The following HOXD11 variants were observed in gnomAD, a reference collection of about 807,000 sequenced individuals.
The protein encoded by HOXD11 is homeobox protein Hox-D11.
HOXD11 carries 16 observed loss-of-function variants against 23.1 expected under a neutral mutation model. The observed-to-expected ratio is 0.69, with a 90% CI of 0.47 to 1.05. The LOEUF is 1.05. Ranked by LOEUF, HOXD11 falls within the 50% of genes least tolerant of loss-of-function variation. The probability of loss-of-function intolerance (pLI) is 0.00; values close to 1 mark genes in which losing one functional copy is unlikely to be tolerated. For synonymous variants in HOXD11, 262 were observed against 224.4 expected (o/e 1.17, Z -1.50); for missense variants, 564 against 495.6 (o/e 1.14, Z -1.31).
intron 1 of HOXD11, among the ~76,000 whole-genome samples, chr2:176,108,546 G>T (rs900907862): frequency 6.6e-6 from 1 of 151,944 alleles, no homozygotes; most frequent in Non-Finnish European, 1.5e-5. Flanking sequence ...GCTAGCTGAC[G>T]CGCGCCGCTG....
At chr2:176,111,826 C>CAAAAAAAAAAAAAAAAAAAAAAAAAAAAA (rs1176283938), downstream of HOXD11, among the ~76,000 whole-genome samples, 3 of 22,740 alleles carry the variant, frequency 1.3e-4, 1 homozygote, top group Non-Finnish European at 1.5e-4. Flanking sequence ...CTCCCCCCCG[C>CAAAAAAAAAAAAAAAAAAAAAAAAAAAAA]AAAAAAAAAA....
the HOXD11 span, among the ~76,000 whole-genome samples, chr2:176,115,091 G>C: frequency 6.6e-6 from 1 of 152,268 alleles, no homozygotes; most frequent in Non-Finnish European, 1.5e-5. Flanking sequence ...GAGAGGGAGG[G>C]AGGAAGTTGT....
At chr2:176,111,840 A>AAAAAAAAAAAAAC (rs1553518459), downstream of HOXD11, among the ~76,000 whole-genome samples, 11 of 140,724 alleles carry the variant, frequency 7.8e-5, no homozygotes, top group Non-Finnish European at 1.7e-4. Flanking sequence ...AAAAAAAAAA[A>AAAAAAAAAAAAAC]AAAAAAAAAC....
chr2:176,111,075 T>C (rs1689666096), downstream of HOXD11, among the ~76,000 whole-genome samples: 1 of 152,198 alleles, frequency 6.6e-6, no homozygotes, highest in Non-Finnish European at 1.5e-5. Flanking sequence ...TGAAATAAAT[T>C]ATTGCACTTT....
At chr2:176,115,131 A>ATGGTGGTAGTGGTGGTAGTGGTGGTAG in the HOXD11 span, among the ~76,000 whole-genome samples, 2 of 151,918 alleles carry the variant, frequency 1.3e-5, no homozygotes, top group Admixed American at 6.5e-5. Flanking sequence ...CTGAGTTTCC[A>ATGGTGGTAGTGGTGGTAGTGGTGGTAG]TGGTGGTAGT....
chr2:176,113,230 G>T (rs1372916858), downstream of HOXD11, among the ~76,000 whole-genome samples: 1 of 152,144 alleles, frequency 6.6e-6, no homozygotes, highest in Non-Finnish European at 1.5e-5. Flanking sequence ...CCCAGAGGTG[G>T]CTCAGAACCC....
downstream of HOXD11, among the ~76,000 whole-genome samples, chr2:176,112,300 C>T (rs1432958320): frequency 6.6e-6 from 1 of 152,230 alleles, no homozygotes; most frequent in African/African-American, 2.4e-5. Context: ...AGCCCCTGAC[C>T]TTGGGGAGGG....
rs762528392 is a variant in HOXD11 at position 176,107,581 on chromosome 2, CGCGGCGGCG to C, written c.238_246del (p.Gly80_Gly82del). On this transcript the variant is annotated inframe_deletion, in exon 1 of 2. Transcript: ENST00000249504. ...CCTGGAGCGCGCCAAGTGGCCGTAC[CGCGGCGGCG>C]GCGGCGGCGGCAGCGCGGGGGGCGG... 55 of 1,401,008 alleles carry C rather than the reference CGCGGCGGCG, an allele frequency of 3.9e-5. No individual in the cohort carries two copies. The highest frequency in any genetic ancestry group is 4.8e-5 in the Non-Finnish European group (51 of 1,053,600). 86.8% of individuals were successfully genotyped at this position (1,401,008 alleles called of 1,614,324 possible).
At chr2:176,113,350 A>G (rs1281442828), downstream of HOXD11, among the ~76,000 whole-genome samples, 1 of 152,192 alleles carries the variant, frequency 6.6e-6, no homozygotes, top group Non-Finnish European at 1.5e-5. Flanking sequence ...TACAAATGCT[A>G]ATTTCTTGTT....
chr2:176,108,097 C>A lies in HOXD11; in HGVS notation c.742C>A (p.Pro248Thr). Residue 248 changes from proline (P) to threonine (T), a missense_variant, in exon 1 of 2, where the codon CCC (proline) becomes ACC (threonine). Pro to Thr is a conservative substitution (Grantham distance 38). Coordinates refer to ENST00000249504, the MANE Select transcript of HOXD11 (RefSeq NM_021192.3). ...AEGSGGDGEGPPGEAGAEKSS... is the reference protein window; with the variant it reads ...AEGSGGDGEGTPGEAGAEKSS... ...AGGCAGCGGTGGCGACGGCGAGGGC[C>A]CCCCGGGAGAGGCGGGGGCCGAGAA... 2.7e-6 allele frequency: 4 copies of A among 1,464,062 alleles called. No individual in the cohort carries two copies. Among genetic ancestry groups the A allele is most frequent in the South Asian group, 1.3e-5 (1 of 76,510 alleles). 90.7% of individuals were successfully genotyped at this position (1,464,062 alleles called of 1,614,324 possible).
rs1199556868 is a variant in HOXD11 at position 176,107,967 on chromosome 2, C to G, written c.612C>G (p.Pro204=). ...QPPPPPAPPQ[P]EGAADKGDPR... is the part of the protein sequence containing the mutation. ...CGCCGCCACCCGCGCCGCCACAGCC[C>G]GAGGGCGCAGCCGACAAGGGCGACC... The change falls in exon 1 of 2, where the codon CCC becomes CCG. Residue 204 remains proline (P), a synonymous_variant. Coordinates refer to ENST00000249504, the MANE Select transcript of HOXD11 (RefSeq NM_021192.3). The G allele has an allele frequency of 2.1e-6, 3 of 1,425,768 alleles. No homozygotes were observed. Among genetic ancestry groups the G allele is most frequent in the Non-Finnish European group, 2.7e-6 (3 of 1,094,016 alleles). The allele number at this position is 1,425,768 out of a possible 1,614,324, so 88.3% of individuals were successfully genotyped here.
At chr2:176,110,022 G>A (rs553438171), downstream of HOXD11, among the ~76,000 whole-genome samples, 11 of 152,286 alleles carry the variant, frequency 7.2e-5, no homozygotes, top group South Asian at 2.3e-3. Flanking sequence ...AGCTAACAAG[G>A]AGTCACAGTC....
chr2:176,107,401 C>G lies in HOXD11; in HGVS notation c.46C>G (p.Leu16Val), dbSNP rs750381609. 7.4e-6 allele frequency: 12 copies of G among 1,613,364 alleles called. No homozygotes were observed. The African/African-American group carries it at 1.6e-4, about 22-fold the overall frequency. The change falls in exon 1 of 2, where the codon CTG becomes GTG. Residue 16 changes from leucine (L) to valine (V), a missense_variant. Physicochemically the swap from Leu to Val is conservative, Grantham distance 32 (BLOSUM62 1). Transcript: ENST00000249504. ...ECGQSAASMY[L>V]PGCAYYVAPS... ...CGGCCAGAGCGCAGCCAGCATGTAC[C>G]TGCCGGGCTGCGCCTACTATGTGGC...
chr2:176,108,789 G>T, intron 1 of HOXD11, 118 bp from the exon 2 acceptor site: 1 of 660,940 alleles, frequency 1.5e-6, no homozygotes, highest in South Asian at 2.0e-5. Flanking sequence ...TTCGGCCGCG[G>T]CAGAGAACGT....
rs775181416 is a variant in HOXD11 at position 176,109,159 on chromosome 2, C to T, written c.*17C>T. The stretch of plus-strand genomic sequence containing the variant: ...TTATTTTGAGAGCTCCAGGAAGCGC[C>T]CTCACCCCAGCCCCACTCACCCACC... On this transcript the variant is annotated 3_prime_UTR_variant, in exon 2 of 2. Coordinates refer to ENST00000249504, the MANE Select transcript of HOXD11 (RefSeq NM_021192.3). 5.9e-6 allele frequency: 9 copies of T among 1,522,712 alleles called. No homozygotes were observed. The highest frequency in any genetic ancestry group is 8.2e-6 in the Non-Finnish European group (9 of 1,097,212). The allele number at this position is 1,522,712 out of a possible 1,614,324, so 94.3% of individuals were successfully genotyped here. A position where few individuals can be genotyped will look rare whatever the true frequency, so the allele number is the denominator to read the frequency against.
downstream of HOXD11, chr2:176,111,618 C>T (rs1010949740): frequency 6.6e-6 from 1 of 151,102 alleles, no homozygotes; most frequent in Non-Finnish European, 1.5e-5. Flanking sequence ...TAATCTTTGT[C>T]TCTTTAAAGA....
downstream of HOXD11, among the ~76,000 whole-genome samples, chr2:176,113,464 A>G (rs1689704107): frequency 6.6e-6 from 1 of 152,230 alleles, no homozygotes; most frequent in South Asian, 2.1e-4. Context: ...ATATTGATTT[A>G]TTATTAATGG....
chr2:176,112,698 T>C (rs554590070), downstream of HOXD11, among the ~76,000 whole-genome samples: 7 of 152,360 alleles, frequency 4.6e-5, no homozygotes, highest in East Asian at 9.7e-4. Flanking sequence ...AAGTGAGAGC[T>C]GCCCTCCCTA....
chr2:176,111,826 C>CAAAAGAAAAAAAA (rs1689676556), downstream of HOXD11, among the ~76,000 whole-genome samples: 1 of 22,740 alleles, frequency 4.4e-5, no homozygotes, highest in African/African-American at 1.9e-4. Flanking sequence ...CTCCCCCCCG[C>CAAAAGAAAAAAAA]AAAAAAAAAA....
Sources: allele counts gnomAD v4.1 joint callset (sites outside exome capture counted in the v4.1 genomes callset), GRCh38; gene constraint gnomAD v4.1.1; transcripts MANE v1.5; gene names NCBI Gene and HGNC (gene_info 2026-07-23, HGNC 2026-07-21).